Variants in SEMA3A observed in about 807,000 individuals in gnomAD.
SEMA3A encodes semaphorin-3A.
Under a neutral mutation model 97.9 loss-of-function variants are expected in SEMA3A, and 29 were observed. The ratio of observed to expected loss-of-function variants is 0.30; its 90% CI spans 0.22 to 0.40. The LOEUF is 0.40. SEMA3A is among the 10% of genes least tolerant of loss of function. The pLI is 1.00. For synonymous variants in SEMA3A, 321 were observed against 323.7 expected (o/e 0.99, Z 0.09); for missense variants, 763 against 951.3 (o/e 0.80, Z 2.60).
At chr7:84,462,818 G>C (rs1345578966) in intron 1 of SEMA3A, among the ~76,000 whole-genome samples, 2 of 151,862 alleles carry the variant, frequency 1.3e-5, no homozygotes, top group Admixed American at 6.6e-5. Flanking sequence ...TAGATAGATA[G>C]ACAGACAGAT....
intron 12 of SEMA3A, among the ~76,000 whole-genome samples, chr7:83,989,808 T>C (rs1584512313): frequency 6.7e-6 from 1 of 149,874 alleles, no homozygotes; most frequent in South Asian, 2.1e-4. Flanking sequence ...AGCAGCATGA[T>C]TTATAGTCCT....
intron 1 of SEMA3A, among the ~76,000 whole-genome samples, chr7:84,446,077 T>C (rs2116352916): frequency 6.6e-6 from 1 of 152,244 alleles, no homozygotes; most frequent in South Asian, 2.1e-4. Context: ...TATAAGCAAC[T>C]GCATGCTGAT....
chr7:84,055,984 G>T (rs944869712), intron 5 of SEMA3A, among the ~76,000 whole-genome samples: 1 of 152,122 alleles, frequency 6.6e-6, no homozygotes, highest in Non-Finnish European at 1.5e-5. Flanking sequence ...TACATTAAAA[G>T]GTGGTTGTGA....
intron 1 of SEMA3A, among the ~76,000 whole-genome samples, chr7:84,164,177 C>T (rs1349107006): frequency 1.3e-5 from 2 of 152,062 alleles, no homozygotes; most frequent in African/African-American, 4.8e-5. Context: ...TATGTTTCAT[C>T]ATAAAACCAA....
At chr7:84,185,201 A>G (rs993865172) in intron 1 of SEMA3A, among the ~76,000 whole-genome samples, 1 of 152,208 alleles carries the variant, frequency 6.6e-6, no homozygotes, top group Admixed American at 6.5e-5. Context: ...TTCTTTATCT[A>G]TATACAATTC....
intron 3 of SEMA3A, among the ~76,000 whole-genome samples, chr7:84,251,026 G>A (rs1667612087): frequency 6.6e-6 from 1 of 152,082 alleles, no homozygotes; most frequent in South Asian, 2.1e-4. Flanking sequence ...AATTCACAGA[G>A]CTTACTCTTA....
chr7:84,442,470 A>G (rs889467298), intron 1 of SEMA3A, among the ~76,000 whole-genome samples: 5 of 152,106 alleles, frequency 3.3e-5, no homozygotes, highest in Admixed American at 6.5e-5. Flanking sequence ...GCTAAAGAAT[A>G]AACACAATAA....
intron 1 of SEMA3A, among the ~76,000 whole-genome samples, chr7:84,136,538 G>C (rs1796129351): frequency 6.6e-6 from 1 of 152,112 alleles, no homozygotes; most frequent in Admixed American, 6.6e-5. Context: ...AACAGCTACA[G>C]AATAGAGCCA....
At chr7:84,300,371 T>C (rs564992103) in intron 3 of SEMA3A, among the ~76,000 whole-genome samples, 1 of 152,188 alleles carries the variant, frequency 6.6e-6, no homozygotes, top group African/African-American at 2.4e-5. Flanking sequence ...ATCTGTAGTA[T>C]AATGAAAACA....
At chr7:84,379,090 G>C (rs1020474561) in intron 1 of SEMA3A, among the ~76,000 whole-genome samples, 1 of 151,950 alleles carries the variant, frequency 6.6e-6, no homozygotes, top group Non-Finnish European at 1.5e-5. Context: ...ACCACACCTG[G>C]CTAATTTTTT....
chr7:84,332,486 C>A (rs1195146822), intron 2 of SEMA3A, among the ~76,000 whole-genome samples: 1 of 152,112 alleles, frequency 6.6e-6, no homozygotes, highest in East Asian at 1.9e-4. Context: ...TCTGTTCATT[C>A]TTTACTATAA....
chr7:84,131,304 C>G (rs115989984), intron 2 of SEMA3A, among the ~76,000 whole-genome samples: 3,215 of 152,088 alleles, frequency 0.021, 107 homozygotes, highest in African/African-American at 0.073. Context: ...ATTTGTTTAA[C>G]TGTTGGTGGT....
At chr7:84,253,399 G>T (rs2115623852) in intron 3 of SEMA3A, among the ~76,000 whole-genome samples, 1 of 152,044 alleles carries the variant, frequency 6.6e-6, no homozygotes, top group Middle Eastern at 3.4e-3. Context: ...GTCACAATGT[G>T]TCTATTAGAT....
chr7:84,265,293 C>T (rs943160969), intron 3 of SEMA3A, among the ~76,000 whole-genome samples: 1 of 151,726 alleles, frequency 6.6e-6, no homozygotes, highest in African/African-American at 2.4e-5. Context: ...GATCTCTGCA[C>T]CCAATTCCAG....
At chr7:84,416,038 T>C (rs79773717) in intron 1 of SEMA3A, among the ~76,000 whole-genome samples, 2,364 of 152,198 alleles carry the variant, frequency 0.016, 68 homozygotes, top group African/African-American at 0.053. Flanking sequence ...TTTAGTTAAA[T>C]AGACTCCAAA....
At chr7:84,396,039 A>G (rs1374169027) in intron 1 of SEMA3A, among the ~76,000 whole-genome samples, 2 of 152,150 alleles carry the variant, frequency 1.3e-5, no homozygotes, top group Non-Finnish European at 2.9e-5. Context: ...TCAGGAGATA[A>G]TTCACAAATA....
chr7:83,994,924 G>A (rs925423382), intron 12 of SEMA3A, among the ~76,000 whole-genome samples: 47 of 151,968 alleles, frequency 3.1e-4, no homozygotes, highest in Admixed American at 1.1e-3. Flanking sequence ...CCTAGCTGCC[G>A]CCTTGCAGTT....
At chr7:84,010,451 T>C (rs1268377310) in intron 9 of SEMA3A, among the ~76,000 whole-genome samples, 1 of 152,152 alleles carries the variant, frequency 6.6e-6, no homozygotes, top group African/African-American at 2.4e-5. Flanking sequence ...GGAATAGAGA[T>C]ACTGGGAAGA....
chr7:84,049,715 TTTAAAA>T (rs1792520741), intron 5 of SEMA3A, among the ~76,000 whole-genome samples: 1 of 152,102 alleles, frequency 6.6e-6, no homozygotes, highest in African/African-American at 2.4e-5. Context: ...TTTTTCATTT[TTTAAAA>T]TTATTATTAT....
Sources: allele counts gnomAD v4.1 joint callset (sites outside exome capture counted in the v4.1 genomes callset), GRCh38; gene constraint gnomAD v4.1.1; transcripts MANE v1.5; gene names NCBI Gene and HGNC (gene_info 2026-07-23, HGNC 2026-07-21).